Variants in ALDOC observed in about 807,000 individuals in gnomAD.
ALDOC encodes fructose-bisphosphate aldolase C.
ALDOC carries 23 observed loss-of-function variants against 39.5 expected under a neutral mutation model. The observed-to-expected ratio is 0.58, with a 90% confidence interval of 0.42 to 0.82. The LOEUF (loss-of-function observed/expected upper bound fraction) is 0.82, where lower values mean the gene tolerates loss of function less well. Among genes scored for constraint, ALDOC ranks in the 40% least tolerant of loss-of-function variants. The pLI is 0.00. For synonymous variants in ALDOC, 160 were observed against 182.6 expected (o/e 0.88, Z 1.00); for missense variants, 356 against 479.1 (o/e 0.74, Z 2.40).
rs2070499145 is a variant in ALDOC, at chr17:28,576,863, A to G, written c.-75T>C. The G allele has an allele frequency of 1.0e-5, 10 of 985,338 alleles. No individual in the cohort carries two copies. The highest frequency in any genetic ancestry group is 1.2e-5 in the Non-Finnish European group (10 of 829,982). The allele number at this position is 985,338 out of a possible 1,614,324, so 61.0% of individuals were successfully genotyped here. A position where few individuals can be genotyped will look rare whatever the true frequency, so the allele number is the denominator to read the frequency against. ...AGCTCGGGTTCTGATCCGCAAACAGATGAGGCTGCAGCCCTGGCTCCCTCT... is the reference window on the plus strand; with the variant it reads ...AGCTCGGGTTCTGATCCGCAAACAGGTGAGGCTGCAGCCCTGGCTCCCTCT... On this transcript the variant is annotated 5_prime_UTR_variant, in exon 1 of 9. Transcript: ENST00000226253.
intron 1 of ALDOC, 23 bp downstream of exon 1, chr17:28,576,778 G>C: frequency 1.0e-6 from 1 of 985,038 alleles, no homozygotes; most frequent in South Asian, 4.7e-5. Flanking sequence ...ATGTTGAGTG[G>C]CTCCCGCCTT....
chr17:28,576,015 C>T, intron 1 of ALDOC: 1 of 1,001,498 alleles, frequency 1.0e-6, no homozygotes, highest in Admixed American at 5.3e-5. Flanking sequence ...CCTCTTCTCT[C>T]AGCTTCTAGA....
At position 28,575,986 on chromosome 17, in the gene ALDOC, C is replaced by A. The variant is rs138515801; in HGVS notation, c.-12-442G>T. The A allele has an allele frequency of 3.2e-4, 322 of 1,007,648 alleles. 3 individuals carry two copies. The African/African-American group carries it at 3.9e-3, about 12-fold the overall frequency. 62.4% of individuals were successfully genotyped at this position (1,007,648 alleles called of 1,614,324 possible). A position where few individuals can be genotyped will look rare whatever the true frequency, so the allele number is the denominator to read the frequency against. Reference sequence around the variant, plus strand: ...TTACTTCCAAGGCTTCAGAATGAGGCAAAAGTACTTATTGCCACCCTCTTC... The same window carrying A: ...TTACTTCCAAGGCTTCAGAATGAGGAAAAAGTACTTATTGCCACCCTCTTC... On this transcript the variant is annotated intron_variant, in intron 1 of 8. Transcript: ENST00000226253. This position sits in a 1 kb window ranked among gnomAD's most constrained non-coding sequence, Gnocchi z 4.3.
chr17:28,575,471 A>G lies in ALDOC; in HGVS notation c.62T>C (p.Leu21Pro). The G allele has an allele frequency of 6.2e-7, 1 of 1,614,234 alleles. No homozygotes were observed. Among genetic ancestry groups the G allele is most frequent in the South Asian group, 1.1e-5 (1 of 91,086 alleles). Residue 21 changes from leucine to proline, a missense_variant, in exon 2 of 9, where the codon CTG becomes CCG. By Grantham distance (98) the Leu-to-Pro change is moderately conservative. Coordinates refer to ENST00000226253, the MANE Select transcript of ALDOC (RefSeq NM_005165.3). This position sits in a 1 kb window ranked among gnomAD's most constrained non-coding sequence, Gnocchi z 4.3. Reference sequence around the variant, plus strand: ...GCCTTTGCCCGGGGCTACAATCCGCAGGGCAATGTCAGACAACTCCTTCTT... The same window carrying G: ...GCCTTTGCCCGGGGCTACAATCCGCGGGGCAATGTCAGACAACTCCTTCTT... ...EQKKELSDIA[L>P]RIVAPGKGIL...
chr17:28,574,373 G>A lies in ALDOC; in HGVS notation c.624+121C>T, dbSNP rs1212988682. On this transcript the variant is annotated intron_variant, in intron 6 of 8. Coordinates refer to ENST00000226253, the MANE Select transcript of ALDOC (RefSeq NM_005165.3). ...CAGGCTCAGATCACAGGCCTGTGCC[G>A]GGATGAAGTGAAAAAGTGCTAGGGG... 5.3e-5 allele frequency: 77 copies of A among 1,439,472 alleles called. 1 individual carries two copies. The highest frequency in any genetic ancestry group is 3.2e-4 in the East Asian group (14 of 43,998). The allele number at this position is 1,439,472 out of a possible 1,614,324, so 89.2% of individuals were successfully genotyped here.
In ALDOC at chr17:28,574,870, GC is replaced by G. The variant is rs1429702628; in HGVS notation, c.380-15del. The G allele has an allele frequency of 5.0e-6, 8 of 1,614,070 alleles. No homozygotes were observed. Among genetic ancestry groups the G allele is most frequent in the Non-Finnish European group, 6.8e-6 (8 of 1,180,020 alleles). On this transcript the variant is annotated splice_polypyrimidine_tract_variant and intron_variant, in intron 4 of 8. Coordinates refer to ENST00000226253, the MANE Select transcript of ALDOC (RefSeq NM_005165.3). The stretch of plus-strand genomic sequence containing the variant: ...GCCCATCCAGCCCTGCAAGCACAGT[GC>G]CAACCTCATTACTCTGCCCCTCTTT...
chr17:28,573,994 AC>A lies in ALDOC; in HGVS notation c.800-61del, dbSNP rs2070457574. 6.2e-7 allele frequency: 1 copy of A among 1,609,442 alleles called. No homozygotes were observed. Among genetic ancestry groups the A allele is most frequent in the Non-Finnish European group, 8.5e-7 (1 of 1,177,024 alleles). Reference sequence around the variant, plus strand: ...ACTCCCAATTTTTCCAGGATAGGGAACCCCTGAAGGCCACAAGAAGGACCTG... The same window carrying A: ...ACTCCCAATTTTTCCAGGATAGGGAACCCTGAAGGCCACAAGAAGGACCTG... On this transcript the variant is annotated intron_variant, in intron 7 of 8. Transcript: ENST00000226253. This position sits in a 1 kb window ranked among gnomAD's most constrained non-coding sequence, Gnocchi z 4.3.
Position 28,573,961 on chromosome 17 carries a change from G to A in ALDOC, c.800-27C>T. On this transcript the variant is annotated intron_variant, in intron 7 of 8. Coordinates refer to ENST00000226253, the MANE Select transcript of ALDOC (RefSeq NM_005165.3). This position sits in a 1 kb window ranked among gnomAD's most constrained non-coding sequence, Gnocchi z 4.3. ...TAGTGTGGAGGAGAGAAGACAAACTGACTGGTCACTCCCAATTTTTCCAGG... is the reference window on the plus strand; with the variant it reads ...TAGTGTGGAGGAGAGAAGACAAACTAACTGGTCACTCCCAATTTTTCCAGG... The A allele has an allele frequency of 1.2e-6, 2 of 1,613,588 alleles. No individual in the cohort carries two copies. The highest frequency in any genetic ancestry group is 2.2e-5 in the East Asian group (1 of 44,888).
chr17:28,574,424 G>T, intron 6 of ALDOC, 70 bp downstream of exon 6: 1 of 1,537,544 alleles, frequency 6.5e-7, no homozygotes, highest in South Asian at 1.1e-5. Flanking sequence ...CTAAGCTGGG[G>T]GTTCTGGGGA....
rs765624567 is a variant in ALDOC, at chr17:28,573,913, C to T, written c.821G>A (p.Gly274Asp). ...AVPGVTFLSG[G>D]QSEEEASFNL... Reference sequence around the variant, plus strand: ...GAATGATGCCTCTTCTTCGCTCTGACCCCCAGACAGGAAGGTCACTCCTAG... The same window carrying T: ...GAATGATGCCTCTTCTTCGCTCTGATCCCCAGACAGGAAGGTCACTCCTAG... Residue 274 changes from glycine (G) to aspartate (D), a missense_variant, in exon 8 of 9, where the codon GGT becomes GAT. Gly to Asp is a moderately conservative substitution (Grantham distance 94). Transcript: ENST00000226253. The surrounding 1 kb of genome is among the most constrained non-coding windows in gnomAD (Gnocchi z 4.3). 3 of 1,614,152 alleles carry T rather than the reference C, an allele frequency of 1.9e-6. No individual in the cohort carries two copies. Among genetic ancestry groups the T allele is most frequent in the South Asian group, 2.2e-5 (2 of 91,086 alleles).
chr17:28,573,625 C>T lies in ALDOC; in HGVS notation c.1000-4G>A, dbSNP rs767648346. On this transcript the variant is annotated splice_region_variant and splice_polypyrimidine_tract_variant and intron_variant, in intron 8 of 8. Coordinates refer to ENST00000226253, the MANE Select transcript of ALDOC (RefSeq NM_005165.3). This position sits in a 1 kb window ranked among gnomAD's most constrained non-coding sequence, Gnocchi z 4.3. ...CCTGGGCTGCAAGCCCATTCACCTG[C>T]AAAAGGGAGCGTGGAGTAAGCAGGC... 4.3e-6 allele frequency: 7 copies of T among 1,614,082 alleles called. 1 individual carries two copies. In the South Asian group the frequency reaches 7.7e-5, roughly 18 times the overall value.
chr17:28,574,168 A>G lies in ALDOC; in HGVS notation c.698T>C (p.Met233Thr), dbSNP rs1217442444. The change falls in exon 7 of 9, where the codon ATG (methionine) becomes ACG (threonine). Residue 233 changes from methionine to threonine, a missense_variant. Transcript: ENST00000226253. Reference protein sequence around the residue: ...YLEGTLLKPNMVTPGHACPIK... With the variant: ...YLEGTLLKPNTVTPGHACPIK... Reference sequence around the variant, plus strand: ...GGGACAGGCATGGCCCGGGGTCACCATGTTGGGCTTGAGCAGGGTCCCCTC... The same window carrying G: ...GGGACAGGCATGGCCCGGGGTCACCGTGTTGGGCTTGAGCAGGGTCCCCTC... 6.2e-7 allele frequency: 1 copy of G among 1,611,904 alleles called. No individual in the cohort carries two copies. Among genetic ancestry groups the G allele is most frequent in the Non-Finnish European group, 8.5e-7 (1 of 1,178,980 alleles).
intron 1 of ALDOC, chr17:28,576,494 TAGG>T (rs2070493547): frequency 6.6e-6 from 1 of 150,732 alleles, no homozygotes; most frequent in African/African-American, 2.5e-5. Flanking sequence ...GGACCTAGCC[TAGG>T]AGGAGAGGGA....
chr17:28,574,017 C>T (rs772110552), intron 7 of ALDOC, 50 bp downstream of exon 7: 2 of 1,602,996 alleles, frequency 1.2e-6, no homozygotes, highest in African/African-American at 2.7e-5. Flanking sequence ...ACAAGAAGGA[C>T]CTGAAGATGG....
intron 5 of ALDOC, 22 bp from the exon 6 acceptor site, chr17:28,574,599 C>T (rs761309208): frequency 6.2e-7 from 1 of 1,614,016 alleles, no homozygotes; most frequent in Non-Finnish European, 8.5e-7. Flanking sequence ...AGCAGAGATG[C>T]TTGGGAGGGG....
chr17:28,574,766 C>A lies in ALDOC; in HGVS notation c.470G>T (p.Arg157Leu), dbSNP rs773057473. The A allele has an allele frequency of 2.5e-6, 4 of 1,614,040 alleles. No homozygotes were observed. Among genetic ancestry groups the A allele is most frequent in the African/African-American group, 1.3e-5 (1 of 74,908 alleles). ...KWRCVLKISE[R>L]TPSALAILEN... ...CAGAATGGCAAGTGCAGAGGGTGTACGCTCACTGATTTTCAGCACACAGCG... is the reference window on the plus strand; with the variant it reads ...CAGAATGGCAAGTGCAGAGGGTGTAAGCTCACTGATTTTCAGCACACAGCG... Residue 157 changes from arginine to leucine, a missense_variant, in exon 5 of 9, where the codon CGT (arginine) becomes CTT (leucine). Arg to Leu is a moderately radical substitution (Grantham distance 102, BLOSUM62 -2). Coordinates refer to ENST00000226253, the MANE Select transcript of ALDOC (RefSeq NM_005165.3).
rs2070482493 is a variant in ALDOC, at chr17:28,575,815, CA to C, written c.-12-272del. On this transcript the variant is annotated intron_variant, in intron 1 of 8. Transcript: ENST00000226253. The surrounding 1 kb of genome is among the most constrained non-coding windows in gnomAD (Gnocchi z 4.3). ...GTGGGGAGGTGAGCAGCCCTGAAGCCACAGCTCTTCTGATAAATCTGCTGCC... is the reference window on the plus strand; with the variant it reads ...GTGGGGAGGTGAGCAGCCCTGAAGCCCAGCTCTTCTGATAAATCTGCTGCC... The C allele has an allele frequency of 1.8e-6, 1 of 566,214 alleles. No individual in the cohort carries two copies. The highest frequency in any genetic ancestry group is 2.4e-5 in the South Asian group (1 of 40,988). 35.1% of individuals were successfully genotyped at this position (566,214 alleles called of 1,614,324 possible).
At position 28,575,767 on chromosome 17, in the gene ALDOC, C is replaced by G; in HGVS notation, c.-12-223G>C. 3.0e-6 allele frequency: 2 copies of G among 666,374 alleles called. No homozygotes were observed. The highest frequency in any genetic ancestry group is 4.5e-4 in the Middle Eastern group (1 of 2,242). The allele number at this position is 666,374 out of a possible 1,614,324, so 41.3% of individuals were successfully genotyped here. ...TCCCTGGTAGGCATCCTTCCCAGCC[C>G]TGGGGAAAGATGCAGGGTGGGGGTG... On this transcript the variant is annotated intron_variant, in intron 1 of 8. Coordinates refer to ENST00000226253, the MANE Select transcript of ALDOC (RefSeq NM_005165.3). The surrounding 1 kb of genome is among the most constrained non-coding windows in gnomAD (Gnocchi z 4.3).
rs1248578650 is a variant in ALDOC, at chr17:28,575,786, G to T, written c.-12-242C>A. ...CCAGCCCTGGGGAAAGATGCAGGGT[G>T]GGGGTGGGGAGGTGAGCAGCCCTGA... On this transcript the variant is annotated intron_variant, in intron 1 of 8. Transcript: ENST00000226253. This position sits in a 1 kb window ranked among gnomAD's most constrained non-coding sequence, Gnocchi z 4.3. 14 of 611,388 alleles carry T rather than the reference G, an allele frequency of 2.3e-5. 1 individual carries two copies. In the South Asian group the frequency reaches 2.7e-4, roughly 12 times the overall value. 37.9% of individuals were successfully genotyped at this position (611,388 alleles called of 1,614,324 possible).
Sources: allele counts gnomAD v4.1 joint callset, GRCh38; gene constraint gnomAD v4.1.1; non-coding constraint Gnocchi (gnomAD v3.1); transcripts MANE v1.5; gene names NCBI Gene and HGNC (gene_info 2026-07-23, HGNC 2026-07-21).